PPFIA1: variants seen among roughly 807,000 people sequenced by gnomAD.
PPFIA1 encodes the protein liprin-alpha-1.
Under a neutral mutation model 149.9 loss-of-function variants are expected in PPFIA1, and 25 were observed. The ratio of observed to expected loss-of-function variants is 0.17; its 90% confidence interval spans 0.12 to 0.23. PPFIA1 has a LOEUF of 0.23. Among genes scored for constraint, PPFIA1 ranks in the 10% least tolerant of loss-of-function variants. PPFIA1 has a pLI of 1.00. For synonymous variants in PPFIA1, 549 were observed against 552.8 expected, an observed-to-expected ratio of 0.99 and a Z score of 0.10; for missense variants, 1,362 against 1,506.5, an observed-to-expected ratio of 0.90 and a Z score of 1.59.
Position 70,355,813 on chromosome 11 carries a change from T to C in PPFIA1, c.2488+2T>C. 1 of 1,606,118 alleles carries C rather than the reference T, an allele frequency of 6.2e-7. No homozygotes were observed. The highest frequency in any genetic ancestry group is 8.5e-7 in the Non-Finnish European group (1 of 1,177,294). On this transcript the variant is annotated splice_donor_variant, in intron 18 of 27. Transcript: ENST00000253925. LOFTEE classifies it high-confidence loss of function. ...CTGGCAAAGAAGCATTAGGACAAGGTTGGTTGGTTTTCCGCACCCTTCTCA... is the reference window on the plus strand; with the variant it reads ...CTGGCAAAGAAGCATTAGGACAAGGCTGGTTGGTTTTCCGCACCCTTCTCA...
At position 70,383,950 on chromosome 11, in the gene PPFIA1, C is replaced by T. The variant is rs1347964536; in HGVS notation, c.*960C>T. The T allele has an allele frequency of 6.6e-6, 1 of 152,292 alleles. No individual in the cohort carries two copies. Among genetic ancestry groups the T allele is most frequent in the East Asian group, 1.9e-4 (1 of 5,206 alleles). 9.4% of individuals were successfully genotyped at this position (152,292 alleles called of 1,614,324 possible). On this transcript the variant is annotated 3_prime_UTR_variant, in exon 28 of 28. Coordinates refer to ENST00000253925, the MANE Select transcript of PPFIA1 (RefSeq NM_003626.5). ...CACACAGTGGATGAAGGCAGGAGAC[C>T]CAGAAAGCAGTGCAGTGCAGCTCTA... is the stretch of plus-strand genomic sequence containing the variant.
chr11:70,310,385 CTTT>C (rs754099737), intron 2 of PPFIA1, among the ~76,000 whole-genome samples: 89 of 132,140 alleles, frequency 6.7e-4, no homozygotes, highest in Non-Finnish European at 1.1e-3. Flanking sequence ...CATCCATGTA[CTTT>C]TTTTTTTTTT....
At chr11:70,287,295 C>T (rs893800474) in intron 2 of PPFIA1, among the ~76,000 whole-genome samples, 3 of 152,164 alleles carry the variant, frequency 2.0e-5, no homozygotes, top group Non-Finnish European at 4.4e-5. Flanking sequence ...GATAGTTCCT[C>T]ACTTGCAGAC....
intron 11 of PPFIA1, among the ~76,000 whole-genome samples, chr11:70,336,240 C>T (rs2054971868): frequency 6.6e-6 from 1 of 152,158 alleles, no homozygotes; most frequent in South Asian, 2.1e-4. Flanking sequence ...TGGTGGCTCA[C>T]GTCTGTAATC....
At chr11:70,323,709 A>G (rs994995554) in intron 2 of PPFIA1, among the ~76,000 whole-genome samples, 1 of 152,180 alleles carries the variant, frequency 6.6e-6, no homozygotes, top group Non-Finnish European at 1.5e-5. Flanking sequence ...TTGTTTTCTT[A>G]CAATGTTCAC....
chr11:70,354,371 C>T lies in PPFIA1; in HGVS notation c.2234C>T (p.Ser745Phe). ...AAGTGTGAAACCTCCCCGCCTTCCTCCCCGAGAGCCCTTCGGTTAGACCGG... is the reference window on the plus strand; with the variant it reads ...AAGTGTGAAACCTCCCCGCCTTCCTTCCCGAGAGCCCTTCGGTTAGACCGG... ...TIKCETSPPS[S>F]PRALRLDRLH... The change falls in exon 17 of 28, where the codon TCC becomes TTC. Residue 745 changes from serine (S) to phenylalanine (F), a missense_variant. By Grantham distance (155) the Ser-to-Phe change is radical. Transcript: ENST00000253925. 3 of 1,614,126 alleles carry T rather than the reference C, an allele frequency of 1.9e-6. No homozygotes were observed. The highest frequency in any genetic ancestry group is 2.5e-6 in the Non-Finnish European group (3 of 1,180,022).
In PPFIA1 at chr11:70,270,749, G is replaced by T. The variant is rs928457313; in HGVS notation, c.-166G>T. 11 of 150,504 alleles carry T rather than the reference G, an allele frequency of 7.3e-5. No individual in the cohort carries two copies. The highest frequency in any genetic ancestry group is 2.7e-4 in the African/African-American group (11 of 41,248). The allele number at this position is 150,504 out of a possible 1,614,324, so 9.3% of individuals were successfully genotyped here. On this transcript the variant is annotated 5_prime_UTR_variant, in exon 1 of 28. Transcript: ENST00000253925. ...CTCCGCTCCGCCAGTGTCCGGCCGCGGGCCGGCCTTAGTGACTGGGGCGGC... is the reference window on the plus strand; with the variant it reads ...CTCCGCTCCGCCAGTGTCCGGCCGCTGGCCGGCCTTAGTGACTGGGGCGGC...
At chr11:70,307,949 T>C (rs2052978728) in intron 2 of PPFIA1, among the ~76,000 whole-genome samples, 1 of 152,188 alleles carries the variant, frequency 6.6e-6, no homozygotes, top group Non-Finnish European at 1.5e-5. Context: ...AAAAGCTCTG[T>C]CCTAATCCCC....
chr11:70,375,935 GC>G (rs35795372), intron 24 of PPFIA1, among the ~76,000 whole-genome samples: 31,652 of 152,050 alleles, frequency 0.21, 3,504 homozygotes, highest in South Asian at 0.26. Context: ...CACATTAGAT[GC>G]CCTGATTTAA....
Position 70,372,289 on chromosome 11 carries a change from C to T in PPFIA1, c.2940C>T (p.Tyr980=). The change falls in exon 22 of 28, where the codon TAC becomes TAT. Residue 980 remains tyrosine (Y), a synonymous_variant. Coordinates refer to ENST00000253925, the MANE Select transcript of PPFIA1 (RefSeq NM_003626.5). ...TCCCCAGCCTGGGCCTCCCCCAGTA[C>T]CGCAGCTACTTCATGGAGTGCCTTG... ...EWLPSLGLPQ[Y]RSYFMECLVD... is the part of the protein sequence containing the mutation. The T allele has an allele frequency of 6.2e-7, 1 of 1,614,234 alleles. No homozygotes were observed. The highest frequency in any genetic ancestry group is 8.5e-7 in the Non-Finnish European group (1 of 1,180,048).
intron 2 of PPFIA1, among the ~76,000 whole-genome samples, chr11:70,304,158 T>TA (rs1395255807): frequency 1.3e-5 from 2 of 152,204 alleles, no homozygotes; most frequent in African/African-American, 4.8e-5. Context: ...CATGCCTATG[T>TA]AACAAAGCCT....
chr11:70,368,124 C>T (rs913851686), intron 21 of PPFIA1, among the ~76,000 whole-genome samples: 1 of 151,988 alleles, frequency 6.6e-6, no homozygotes, highest in African/African-American at 2.4e-5. Flanking sequence ...GGTGACAGAG[C>T]GAGACCCTGT....
At chr11:70,376,880 C>G (rs665890) in intron 25 of PPFIA1, among the ~76,000 whole-genome samples, 207 of 151,968 alleles carry the variant, frequency 1.4e-3, no homozygotes, top group African/African-American at 4.8e-3. Context: ...AAGACCAGCC[C>G]GGCCAACATG....
intron 16 of PPFIA1, among the ~76,000 whole-genome samples, chr11:70,353,309 C>CA (rs2056176094): frequency 6.6e-6 from 1 of 152,200 alleles, no homozygotes; most frequent in African/African-American, 2.4e-5. Context: ...TTTGAGGCTG[C>CA]ACCGCACCAT....
At position 70,335,807 on chromosome 11, in the gene PPFIA1, G is replaced by A. The variant is rs1184851923; in HGVS notation, c.1428+113G>A. On this transcript the variant is annotated intron_variant, in intron 11 of 27. Coordinates refer to ENST00000253925, the MANE Select transcript of PPFIA1 (RefSeq NM_003626.5). ...TGGTTAGCAGCTGTTACCGAAAATG[G>A]GAATTATTCTTTAAAGTGGAAAAGG... The A allele has an allele frequency of 8.7e-6, 11 of 1,260,842 alleles. No individual in the cohort carries two copies. In the Admixed American group the frequency reaches 1.9e-4, roughly 22 times the overall value. The allele number at this position is 1,260,842 out of a possible 1,614,324, so 78.1% of individuals were successfully genotyped here.
intron 16 of PPFIA1, 114 bp from the exon 17 acceptor site, chr11:70,354,187 G>C: frequency 9.0e-7 from 1 of 1,112,498 alleles, no homozygotes; most frequent in Non-Finnish European, 1.3e-6. Flanking sequence ...AAGACTTTCT[G>C]TGCTGGCAGA....
At chr11:70,332,153 T>G in intron 9 of PPFIA1, 59 bp downstream of exon 9, 1 of 1,499,210 alleles carries the variant, frequency 6.7e-7, no homozygotes, top group Non-Finnish European at 8.9e-7. Context: ...GCCTTGCCTG[T>G]GTACCTTGTT....
chr11:70,317,766 T>C (rs944097309), intron 2 of PPFIA1, among the ~76,000 whole-genome samples: 3 of 152,112 alleles, frequency 2.0e-5, no homozygotes, highest in African/African-American at 7.2e-5. Context: ...GTCTGTGCAG[T>C]AGTAACTCAG....
chr11:70,277,852 G>A lies in PPFIA1; in HGVS notation c.264+5416G>A, dbSNP rs565676150. ...CTTTGAGTTCATATCTGTGGATAAT[G>A]AATTGTCATTTTTGTTTGCCTGAAA... On this transcript the variant is annotated intron_variant, in intron 2 of 27. Coordinates refer to ENST00000253925, the MANE Select transcript of PPFIA1 (RefSeq NM_003626.5). Among the ~76,000 whole-genome samples, 23 of 152,062 alleles carry A rather than the reference G, an allele frequency of 1.5e-4. No individual in the cohort carries two copies. In the South Asian group the frequency reaches 4.8e-3, roughly 32 times the overall value.
Sources: gnomAD v4.1 joint callset for allele counts (sites outside exome capture counted in the v4.1 genomes callset) on GRCh38, gnomAD v4.1.1 for gene constraint, MANE v1.5 for transcripts, NCBI Gene and HGNC (gene_info 2026-07-23, HGNC 2026-07-21) for gene names.